The following ATP10B variants were observed in gnomAD, a reference collection of about 807,000 sequenced individuals.
ATP10B encodes the protein phospholipid-transporting ATPase VB.
In ATP10B, 122 loss-of-function variants were observed where a neutral mutation model predicts 141.2. The observed-to-expected ratio is 0.86, with a 90% confidence interval of 0.75 to 1.00. ATP10B has a LOEUF of 1.00. Among genes scored for constraint, ATP10B ranks in the 50% least tolerant of loss-of-function variants. ATP10B has a pLI of 0.00. For synonymous variants in ATP10B, 685 were observed against 692.0 expected, an observed-to-expected ratio of 0.99 and a Z score of 0.16; for missense variants, 1,876 against 1,825.3, an observed-to-expected ratio of 1.03 and a Z score of -0.51.
chr5:160,604,174 C>G (rs1376334441), intron 19 of ATP10B, 133 bp from the exon 20 acceptor site: 2 of 682,228 alleles, frequency 2.9e-6, no homozygotes, highest in Non-Finnish European at 5.3e-6. Context: ...AAAGTCATTG[C>G]TATAGTGCTT....
intron 2 of ATP10B, among the ~76,000 whole-genome samples, chr5:160,747,167 T>C (rs1279080088): frequency 1.3e-5 from 2 of 152,190 alleles, no homozygotes; most frequent in Non-Finnish European, 2.9e-5. Context: ...CTCCAGTTCA[T>C]TGTTGTCCCA....
chr5:160,756,139 A>C (rs914201420), intron 2 of ATP10B, among the ~76,000 whole-genome samples: 1 of 116,762 alleles, frequency 8.6e-6, no homozygotes, highest in Admixed American at 9.8e-5. Flanking sequence ...AATTATTTGC[A>C]TTATGTATTT....
intron 1 of ATP10B, among the ~76,000 whole-genome samples, chr5:160,850,202 T>C (rs1329337716): frequency 6.6e-6 from 1 of 151,992 alleles, no homozygotes; most frequent in Non-Finnish European, 1.5e-5. Flanking sequence ...GGTCAGGAGT[T>C]CGAGACCAGC....
chr5:160,683,008 C>T (rs1763513800), intron 6 of ATP10B, among the ~76,000 whole-genome samples: 2 of 138,800 alleles, frequency 1.4e-5, no homozygotes, highest in Admixed American at 7.5e-5. Flanking sequence ...CACTGCACTC[C>T]AGCCTGGGCG....
chr5:160,653,656 C>T (rs868454155), intron 7 of ATP10B, among the ~76,000 whole-genome samples: 5 of 74,986 alleles, frequency 6.7e-5, no homozygotes, highest in Non-Finnish European at 9.5e-5. Context: ...ATTATATATA[C>T]ATATATACAT....
At chr5:160,866,504 T>A in the ATP10B span, among the ~76,000 whole-genome samples, 1 of 151,998 alleles carries the variant, frequency 6.6e-6, no homozygotes, top group Non-Finnish European at 1.5e-5. Context: ...TGAAACCCCA[T>A]CTCTACTACA....
intron 6 of ATP10B, among the ~76,000 whole-genome samples, chr5:160,677,863 G>T (rs762492362): frequency 3.9e-4 from 59 of 152,128 alleles, no homozygotes; most frequent in Admixed American, 1.3e-4. Context: ...CTTCTTTTGG[G>T]GGTTTCCTTG....
intron 2 of ATP10B, among the ~76,000 whole-genome samples, chr5:160,783,562 TAC>T (rs57796332): frequency 0.43 from 55,890 of 130,784 alleles, 11,884 homozygotes; most frequent in Middle Eastern, 0.48. Flanking sequence ...ATATATATGA[TAC>T]ACACACACAC....
intron 13 of ATP10B, among the ~76,000 whole-genome samples, chr5:160,630,198 C>G (rs1278126113): frequency 6.6e-6 from 1 of 152,216 alleles, no homozygotes; most frequent in Non-Finnish European, 1.5e-5. Flanking sequence ...GAACTTAACT[C>G]GTGTCAATTT....
At chr5:160,734,299 A>G (rs988461432) in intron 2 of ATP10B, among the ~76,000 whole-genome samples, 6 of 152,080 alleles carry the variant, frequency 3.9e-5, no homozygotes, top group Admixed American at 3.9e-4. Flanking sequence ...AAAGAGCACT[A>G]GAAGTGGTAA....
At chr5:160,769,176 G>T (rs1769696122) in intron 2 of ATP10B, among the ~76,000 whole-genome samples, 2 of 152,052 alleles carry the variant, frequency 1.3e-5, no homozygotes, top group Admixed American at 1.3e-4. Flanking sequence ...TTAAATCCTT[G>T]GCAAATTCCA....
intron 1 of ATP10B, among the ~76,000 whole-genome samples, chr5:160,800,777 A>AT (rs919805700): frequency 6.6e-6 from 1 of 152,156 alleles, no homozygotes; most frequent in Admixed American, 6.6e-5. Context: ...AGCAGAAAGT[A>AT]TTTTCTAGCT....
intron 22 of ATP10B, among the ~76,000 whole-genome samples, chr5:160,592,974 C>A (rs530610730): frequency 6.6e-6 from 1 of 152,366 alleles, no homozygotes; most frequent in African/African-American, 2.4e-5. Flanking sequence ...GTAGGCTCCA[C>A]CTCTGGGGGC....
At chr5:160,723,651 C>T (rs536520688) in intron 2 of ATP10B, among the ~76,000 whole-genome samples, 1 of 152,164 alleles carries the variant, frequency 6.6e-6, no homozygotes, top group African/African-American at 2.4e-5. Context: ...CTCTCTCGCT[C>T]TCTTTTCCTG....
intron 24 of ATP10B, among the ~76,000 whole-genome samples, chr5:160,571,675 T>C (rs1196866479): frequency 6.6e-6 from 1 of 152,092 alleles, no homozygotes; most frequent in Non-Finnish European, 1.5e-5. Context: ...TGTGTACATC[T>C]GCATATGCAT....
chr5:160,857,905 T>C, the ATP10B span, among the ~76,000 whole-genome samples: 1 of 151,964 alleles, frequency 6.6e-6, no homozygotes, highest in African/African-American at 2.4e-5. Flanking sequence ...TTGTCGACAT[T>C]CATTTTGTGG....
intron 7 of ATP10B, among the ~76,000 whole-genome samples, chr5:160,652,953 T>TA (rs1760972428): frequency 1.2e-5 from 1 of 86,616 alleles, no homozygotes; most frequent in Non-Finnish European, 2.0e-5. Flanking sequence ...ATATAATATA[T>TA]TATATATACA....
intron 6 of ATP10B, among the ~76,000 whole-genome samples, chr5:160,679,014 G>A (rs923238856): frequency 1.3e-5 from 2 of 152,214 alleles, no homozygotes; most frequent in East Asian, 3.9e-4. Flanking sequence ...AAATATGCCA[G>A]AGAGATATTA....
chr5:160,578,597 G>A (rs936505450), intron 24 of ATP10B, among the ~76,000 whole-genome samples: 4 of 152,080 alleles, frequency 2.6e-5, no homozygotes, highest in Non-Finnish European at 4.4e-5. Flanking sequence ...TATCATTGGT[G>A]GGCATTTGGG....
Sources: gnomAD v4.1 joint callset for allele counts (sites outside exome capture counted in the v4.1 genomes callset) on GRCh38, gnomAD v4.1.1 for gene constraint, MANE v1.5 for transcripts, NCBI Gene and HGNC (gene_info 2026-07-23, HGNC 2026-07-21) for gene names.